The following CD86 variants were observed in gnomAD, a reference collection of about 807,000 sequenced individuals.
CD86 encodes T-lymphocyte activation antigen CD86.
A neutral mutation model predicts 32.1 loss-of-function variants in CD86; 11 were observed. That is an observed-to-expected ratio of 0.34 (90% CI 0.22 to 0.57). The LOEUF (loss-of-function observed/expected upper bound fraction) is 0.57. CD86 is among the 20% of genes least tolerant of loss of function. The pLI, the probability that CD86 is intolerant of heterozygous loss-of-function variation, is 0.86. For missense variants in CD86, 359 were observed against 398.4 expected (o/e 0.90, Z 0.84); for synonymous variants, 137 against 135.3 (o/e 1.01, Z -0.09).
chr3:122,104,749 A>G (rs2073065109), intron 3 of CD86, among the ~76,000 whole-genome samples: 1 of 152,108 alleles, frequency 6.6e-6, no homozygotes, highest in African/African-American at 2.4e-5. Flanking sequence ...TTCGAGATTC[A>G]CCCAAGTTGT....
intron 3 of CD86, among the ~76,000 whole-genome samples, chr3:122,104,920 G>A (rs2073067822): frequency 6.6e-6 from 1 of 152,144 alleles, no homozygotes; most frequent in Non-Finnish European, 1.5e-5. Context: ...TAAGTTCTCA[G>A]TTCTCTAGAG....
intron 1 of CD86, among the ~76,000 whole-genome samples, chr3:122,075,992 G>T (rs1198937793): frequency 6.6e-6 from 1 of 152,172 alleles, no homozygotes; most frequent in African/African-American, 2.4e-5. Flanking sequence ...AGCTCAGAGA[G>T]GTTAAATAAC....
chr3:122,073,282 C>T (rs2072514577), intron 1 of CD86, among the ~76,000 whole-genome samples: 1 of 151,568 alleles, frequency 6.6e-6, no homozygotes, highest in South Asian at 2.1e-4. Context: ...TGCTGACCAC[C>T]TTTTCATATG....
At chr3:122,078,413 G>A (rs190085711) in intron 1 of CD86, among the ~76,000 whole-genome samples, 278 of 152,268 alleles carry the variant, frequency 1.8e-3, no homozygotes, top group Non-Finnish European at 3.2e-3. Flanking sequence ...ATGTCAGCTC[G>A]CCTCGCCTGA....
At chr3:122,070,575 A>G (rs1430018356) in intron 1 of CD86, among the ~76,000 whole-genome samples, 1 of 152,258 alleles carries the variant, frequency 6.6e-6, no homozygotes, top group Non-Finnish European at 1.5e-5. Flanking sequence ...CAAAGAAACA[A>G]GAAACTCATT....
chr3:122,057,651 A>T (rs1336613833), intron 1 of CD86, among the ~76,000 whole-genome samples: 4 of 152,216 alleles, frequency 2.6e-5, no homozygotes, highest in Non-Finnish European at 4.4e-5. Flanking sequence ...CAGAGAAGTA[A>T]CCATCTAGTG....
At chr3:122,074,971 G>C (rs938251273) in intron 1 of CD86, among the ~76,000 whole-genome samples, 6 of 152,066 alleles carry the variant, frequency 3.9e-5, no homozygotes, top group Non-Finnish European at 7.4e-5. Context: ...CACCATCACG[G>C]TTGGCCCCAC....
At position 122,073,459 on chromosome 3, in the gene CD86, A is replaced by G. The variant is rs532028588; in HGVS notation, c.14+17956A>G. Among the ~76,000 whole-genome samples, 106 of 152,092 alleles carry G rather than the reference A, an allele frequency of 7.0e-4. 1 individual carries two copies. The highest frequency in any genetic ancestry group is 2.8e-4 in the Non-Finnish European group (19 of 67,972). On this transcript the variant is annotated intron_variant, in intron 1 of 6. Coordinates refer to ENST00000330540, the MANE Select transcript of CD86 (RefSeq NM_175862.5). ...ATCTTTTGCAAATATTTTTTCCCCA[A>G]TCTTTGGCGTGTCTTTTTATTCATA...
At chr3:122,056,406 C>A (rs1308478765) in intron 1 of CD86, among the ~76,000 whole-genome samples, 1 of 152,210 alleles carries the variant, frequency 6.6e-6, no homozygotes, top group African/African-American at 2.4e-5. Flanking sequence ...GCAATCTCAG[C>A]TCACTGCAAC....
intron 1 of CD86, among the ~76,000 whole-genome samples, chr3:122,071,251 GC>G (rs1278101450): frequency 1.3e-5 from 2 of 152,014 alleles, no homozygotes; most frequent in Admixed American, 6.6e-5. Flanking sequence ...TAGCTTCACT[GC>G]CCTAAGAATC....
At chr3:122,114,228 G>C (rs994321519) in intron 5 of CD86, among the ~76,000 whole-genome samples, 4 of 151,926 alleles carry the variant, frequency 2.6e-5, no homozygotes, top group African/African-American at 9.7e-5. Flanking sequence ...TCCAGCCTGG[G>C]TGACAGAAGA....
chr3:122,084,195 C>T (rs1434502467), intron 1 of CD86, among the ~76,000 whole-genome samples: 2 of 152,166 alleles, frequency 1.3e-5, no homozygotes, highest in East Asian at 3.9e-4. Flanking sequence ...CCATAATGGC[C>T]AGGCTGGTCT....
At chr3:122,056,673 A>G (rs1042889185) in intron 1 of CD86, among the ~76,000 whole-genome samples, 4 of 152,208 alleles carry the variant, frequency 2.6e-5, no homozygotes, top group Non-Finnish European at 5.9e-5. Flanking sequence ...TGAAAATCGA[A>G]GTAACTTTCA....
intron 5 of CD86, among the ~76,000 whole-genome samples, chr3:122,116,627 G>C (rs1039578345): frequency 4.0e-5 from 6 of 151,448 alleles, no homozygotes; most frequent in Non-Finnish European, 1.5e-5. Flanking sequence ...ATAGCAGCTT[G>C]CTTCATAATA....
chr3:122,093,151 T>C (rs1198061019), intron 2 of CD86, among the ~76,000 whole-genome samples: 1 of 152,034 alleles, frequency 6.6e-6, no homozygotes, highest in African/African-American at 2.4e-5. Flanking sequence ...TTCTTATTTA[T>C]TTATTTTATT....
intron 1 of CD86, among the ~76,000 whole-genome samples, chr3:122,058,731 C>A (rs572645498): frequency 2.0e-5 from 3 of 152,046 alleles, no homozygotes; most frequent in African/African-American, 7.2e-5. Flanking sequence ...GAATCATAAA[C>A]AAATAGAGAC....
At chr3:122,056,442 C>T (rs1359673122) in intron 1 of CD86, among the ~76,000 whole-genome samples, 1 of 152,230 alleles carries the variant, frequency 6.6e-6, no homozygotes, top group Non-Finnish European at 1.5e-5. Context: ...TCAAACGATT[C>T]TCCTTCCTCA....
chr3:122,075,706 A>G (rs760337636), intron 1 of CD86, among the ~76,000 whole-genome samples: 22 of 152,114 alleles, frequency 1.4e-4, no homozygotes, highest in African/African-American at 4.3e-4. Flanking sequence ...CCATGACACC[A>G]TATCACCCCC....
At chr3:122,093,767 G>A (rs2072864688) in intron 2 of CD86, among the ~76,000 whole-genome samples, 2 of 152,076 alleles carry the variant, frequency 1.3e-5, no homozygotes, top group South Asian at 4.2e-4. Flanking sequence ...ACTCATTTGA[G>A]CCTCACAATA....
Sources: allele counts gnomAD v4.1 joint callset (sites outside exome capture counted in the v4.1 genomes callset), GRCh38; gene constraint gnomAD v4.1.1; transcripts MANE v1.5; gene names NCBI Gene and HGNC (gene_info 2026-07-23, HGNC 2026-07-21).